IMPACT: variants seen among roughly 807,000 people sequenced by gnomAD.
IMPACT encodes impact RWD domain protein.
Under a neutral mutation model 47.5 loss-of-function variants are expected in IMPACT, and 35 were observed. The observed-to-expected ratio is 0.74, with a 90% confidence interval of 0.56 to 0.98. The LOEUF is 0.98. IMPACT is among the 50% of genes least tolerant of loss of function. The probability of loss-of-function intolerance (pLI) is 0.00; values close to 1 mark genes in which losing one functional copy is unlikely to be tolerated. For missense variants in IMPACT, 373 were observed against 394.8 expected (o/e 0.94, Z 0.47); for synonymous variants, 118 against 125.6 (o/e 0.94, Z 0.40).
In IMPACT at chr18:24,451,091, A is replaced by G; in HGVS notation, c.*244A>G. ...TTTGAACTTAATCACCACTTCATCT[A>G]ATTTTAGCAAGGTAACAGTTGCCCA... On this transcript the variant is annotated 3_prime_UTR_variant, in exon 11 of 11. Coordinates refer to ENST00000284202, the MANE Select transcript of IMPACT (RefSeq NM_018439.4). 3.1e-6 allele frequency: 1 copy of G among 317,602 alleles called. No individual in the cohort carries two copies. Among genetic ancestry groups the G allele is most frequent in the Non-Finnish European group, 5.8e-6 (1 of 171,746 alleles). The allele number at this position is 317,602 out of a possible 1,614,324, so 19.7% of individuals were successfully genotyped here.
At chr18:24,447,818 G>A (rs1030415349) in intron 8 of IMPACT, among the ~76,000 whole-genome samples, 4 of 152,110 alleles carry the variant, frequency 2.6e-5, no homozygotes, top group Non-Finnish European at 5.9e-5. Flanking sequence ...TAAGGGGAAT[G>A]TCACATGGAT....
At position 24,445,479 on chromosome 18, in the gene IMPACT, C is replaced by T. The variant is rs1909227463; in HGVS notation, c.668+13C>T. 5.3e-6 allele frequency: 8 copies of T among 1,523,558 alleles called. No homozygotes were observed. The highest frequency in any genetic ancestry group is 6.3e-6 in the Non-Finnish European group (7 of 1,114,686). The allele number at this position is 1,523,558 out of a possible 1,614,324, so 94.4% of individuals were successfully genotyped here. A position where few individuals can be genotyped will look rare whatever the true frequency, so the allele number is the denominator to read the frequency against. ...TCTATGCCTACAGGTGAGTAATCAT[C>T]ACAAGCTTTAGTATACTCAGTTTGT... On this transcript the variant is annotated intron_variant, in intron 8 of 10. Coordinates refer to ENST00000284202, the MANE Select transcript of IMPACT (RefSeq NM_018439.4).
rs964074839 is a variant in IMPACT at position 24,449,769 on chromosome 18, A to G, written c.760-50A>G. 10 of 1,514,426 alleles carry G rather than the reference A, an allele frequency of 6.6e-6. No homozygotes were observed. In the Admixed American group the frequency reaches 1.7e-4, roughly 26 times the overall value. 93.8% of individuals were successfully genotyped at this position (1,514,426 alleles called of 1,614,324 possible). A position where few individuals can be genotyped will look rare whatever the true frequency, so the allele number is the denominator to read the frequency against. ...TTCATTCTCCTTTTTTAAAACTCAT[A>G]TTTATACATGTCTGTCTATGTATCT... On this transcript the variant is annotated intron_variant, in intron 9 of 10. Coordinates refer to ENST00000284202, the MANE Select transcript of IMPACT (RefSeq NM_018439.4).
intron 8 of IMPACT, among the ~76,000 whole-genome samples, chr18:24,446,003 CTTAGAA>C (rs938915362): frequency 6.6e-6 from 1 of 152,020 alleles, no homozygotes; most frequent in Non-Finnish European, 1.5e-5. Flanking sequence ...AGAAAGAATT[CTTAGAA>C]GTAGAATTAT....
chr18:24,428,973 G>A (rs1262025685), intron 3 of IMPACT, 52 bp downstream of exon 3: 6 of 1,311,790 alleles, frequency 4.6e-6, no homozygotes, highest in Non-Finnish European at 6.5e-6. Context: ...TATTCTGAAA[G>A]ATGTTTATAC....
intron 10 of IMPACT, among the ~76,000 whole-genome samples, chr18:24,450,183 C>G (rs760185256): frequency 6.6e-6 from 1 of 152,128 alleles, no homozygotes; most frequent in Non-Finnish European, 1.5e-5. Flanking sequence ...ACCACTTCAT[C>G]CCTTCGCACC....
intron 7 of IMPACT, among the ~76,000 whole-genome samples, chr18:24,444,302 AG>A (rs1909193973): frequency 6.6e-6 from 1 of 152,194 alleles, no homozygotes. Flanking sequence ...CAAGTTTTAG[AG>A]GTCATTGTCT....
intron 4 of IMPACT, among the ~76,000 whole-genome samples, chr18:24,434,926 A>G (rs1398491958): frequency 6.7e-6 from 1 of 148,636 alleles, no homozygotes; most frequent in Non-Finnish European, 1.5e-5. Context: ...ATATATATAT[A>G]AAAGCTAGGA....
Position 24,428,879 on chromosome 18 carries a change from CGAAT to C in IMPACT, c.181_184del (p.Glu61ThrfsTer11). The C allele has an allele frequency of 6.2e-7, 1 of 1,611,134 alleles. No individual in the cohort carries two copies. The highest frequency in any genetic ancestry group is 2.2e-5 in the East Asian group (1 of 44,736). On this transcript the variant is annotated frameshift_variant, in exon 3 of 11. Transcript: ENST00000284202. LOFTEE classifies it high-confidence loss of function. ...GAACCTGCATTGTAGGTGATGCTGC[CGAAT>C]GAATACCCAGGTACAGCTCCACCTA...
intron 4 of IMPACT, among the ~76,000 whole-genome samples, chr18:24,431,317 C>T (rs1248094868): frequency 1.3e-5 from 2 of 151,742 alleles, no homozygotes; most frequent in Non-Finnish European, 2.9e-5. Context: ...GGGAGCTTGG[C>T]ACATTACAGG....
In IMPACT at chr18:24,443,110, T is replaced by A. The variant is rs1438481226; in HGVS notation, c.552T>A (p.Ser184Arg). Residue 184 changes from serine (S) to arginine (R), a missense_variant, in exon 7 of 11, where the codon AGT (serine) becomes AGA (arginine). Physicochemically the swap from Ser to Arg is moderately radical, Grantham distance 110. Coordinates refer to ENST00000284202, the MANE Select transcript of IMPACT (RefSeq NM_018439.4). ...DHGIPITDRRSTFQAHLAPVV... is the reference protein window; with the variant it reads ...DHGIPITDRRRTFQAHLAPVV... ...GCATTCCTATTACAGACCGAAGAAG[T>A]ACTTTTCAGGCACACTTGGCTCCAG... is the stretch of plus-strand genomic sequence containing the variant. 6.2e-7 allele frequency: 1 copy of A among 1,608,298 alleles called. No homozygotes were observed. The highest frequency in any genetic ancestry group is 1.3e-5 in the African/African-American group (1 of 74,898).
chr18:24,428,443 A>G (rs985763758), intron 2 of IMPACT, among the ~76,000 whole-genome samples: 6 of 152,228 alleles, frequency 3.9e-5, no homozygotes, highest in African/African-American at 9.6e-5. Flanking sequence ...TCAATGATCA[A>G]TGATCAGTTG....
At chr18:24,441,473 C>T (rs567163029) in intron 6 of IMPACT, among the ~76,000 whole-genome samples, 17 of 152,338 alleles carry the variant, frequency 1.1e-4, no homozygotes, top group African/African-American at 2.2e-4. Flanking sequence ...TGAGCCACCA[C>T]GCCCGGCCTA....
At chr18:24,429,537 C>T (rs558096883) in intron 3 of IMPACT, 1 of 151,970 alleles carries the variant, frequency 6.6e-6, no homozygotes, top group East Asian at 1.9e-4. Context: ...GGTTTATAAC[C>T]AGTAATTGAT....
intron 8 of IMPACT, among the ~76,000 whole-genome samples, chr18:24,445,675 T>A (rs1416108388): frequency 6.6e-6 from 1 of 152,198 alleles, no homozygotes; most frequent in African/African-American, 2.4e-5. Context: ...CAATATTTTG[T>A]TTTTTGTTTC....
intron 7 of IMPACT, among the ~76,000 whole-genome samples, chr18:24,443,650 CTGT>C (rs1195458915): frequency 2.0e-5 from 3 of 152,200 alleles, no homozygotes; most frequent in Admixed American, 2.0e-4. Context: ...GTCCATTCCT[CTGT>C]TATTATTCAA....
At chr18:24,441,246 G>A (rs141836759) in intron 6 of IMPACT, among the ~76,000 whole-genome samples, 26 of 152,272 alleles carry the variant, frequency 1.7e-4, no homozygotes, top group African/African-American at 6.0e-4. Context: ...CCGGGCTGGA[G>A]TGCAGTGGCA....
chr18:24,434,290 A>T (rs2144335171), intron 4 of IMPACT, among the ~76,000 whole-genome samples: 1 of 152,120 alleles, frequency 6.6e-6, no homozygotes, highest in South Asian at 2.1e-4. Context: ...GTCGAGGTTC[A>T]GTCACTTCAC....
intron 3 of IMPACT, among the ~76,000 whole-genome samples, chr18:24,429,839 G>C (rs1005800569): frequency 1.5e-4 from 23 of 151,282 alleles, no homozygotes; most frequent in African/African-American, 5.6e-4. Flanking sequence ...GAGTGCAGTG[G>C]CGTGCTTGAC....
Sources: gnomAD v4.1 joint callset for allele counts (sites outside exome capture counted in the v4.1 genomes callset) on GRCh38, gnomAD v4.1.1 for gene constraint, MANE v1.5 for transcripts, NCBI Gene and HGNC (gene_info 2026-07-23, HGNC 2026-07-21) for gene names.